Variants in FOXP2 observed in about 807,000 individuals in gnomAD.
FOXP2 encodes forkhead box P2.
In FOXP2, 12 loss-of-function variants were observed where a neutral mutation model predicts 115.8. That is an observed-to-expected ratio of 0.10 (90% CI 0.07 to 0.17). FOXP2 has a LOEUF of 0.17. FOXP2 is among the 10% of genes least tolerant of loss of function. The pLI is 1.00. For missense variants in FOXP2, 629 were observed against 843.5 expected (o/e 0.75, Z 3.15); for synonymous variants, 328 against 297.7 (o/e 1.10, Z -1.05).
At chr7:114,249,264 A>G (rs1218166347) in intron 1 of FOXP2, among the ~76,000 whole-genome samples, 1 of 152,148 alleles carries the variant, frequency 6.6e-6, no homozygotes, top group Non-Finnish European at 1.5e-5. Flanking sequence ...GGTTTGTTAC[A>G]TAGGTAAACG....
chr7:114,172,744 G>A (rs1793180824), intron 1 of FOXP2, among the ~76,000 whole-genome samples: 2 of 152,030 alleles, frequency 1.3e-5, no homozygotes, highest in Non-Finnish European at 2.9e-5. Context: ...CTTTGCATGT[G>A]TAATGTAATT....
At chr7:114,088,141 A>G (rs1443293776) in intron 1 of FOXP2, 1 of 140,058 alleles carries the variant, frequency 7.1e-6, no homozygotes, top group African/African-American at 2.6e-5. Context: ...CCACACACAT[A>G]CACACTTTTT....
rs1808725604 is a variant in FOXP2 at position 114,692,624 on chromosome 7, G to GT, written c.*2699dup. ...TCTGCATCTGCTTTGCGTAGCTATT[G>GT]TAAGGCTTTGAACTAATGTATGTAT... is the stretch of plus-strand genomic sequence containing the variant. On this transcript the variant is annotated 3_prime_UTR_variant, in exon 17 of 17. Transcript: ENST00000350908. The GT allele has an allele frequency of 2.2e-6, 1 of 450,158 alleles. No individual in the cohort carries two copies. Among genetic ancestry groups the GT allele is most frequent in the African/African-American group, 2.0e-5 (1 of 49,762 alleles). The allele number at this position is 450,158 out of a possible 1,614,324, so 27.9% of individuals were successfully genotyped here.
At chr7:114,234,436 A>G (rs932934291) in intron 1 of FOXP2, among the ~76,000 whole-genome samples, 5 of 152,216 alleles carry the variant, frequency 3.3e-5, no homozygotes, top group Admixed American at 3.3e-4. Flanking sequence ...GCATTACTAA[A>G]CATCCAATGC....
At chr7:114,563,882 C>CTTAG (rs1800873740) in intron 3 of FOXP2, among the ~76,000 whole-genome samples, 1 of 152,080 alleles carries the variant, frequency 6.6e-6, no homozygotes, top group African/African-American at 2.4e-5. Flanking sequence ...CCTTTACTCT[C>CTTAG]TCACTCAGGT....
intron 2 of FOXP2, among the ~76,000 whole-genome samples, chr7:114,494,106 C>T (rs916023164): frequency 6.6e-6 from 1 of 151,570 alleles, no homozygotes; most frequent in Non-Finnish European, 1.5e-5. Flanking sequence ...TTTTAAATGT[C>T]AAGAGATATA....
chr7:114,391,161 T>C, intron 2 of FOXP2, among the ~76,000 whole-genome samples: 1 of 151,896 alleles, frequency 6.6e-6, no homozygotes, highest in Non-Finnish European at 1.5e-5. Context: ...TACTCCAGCC[T>C]TGGCGACAAG....
intron 3 of FOXP2, among the ~76,000 whole-genome samples, chr7:114,582,626 A>C (rs1297067348): frequency 2.0e-5 from 3 of 152,236 alleles, no homozygotes; most frequent in Admixed American, 2.0e-4. Flanking sequence ...ATGGATTAGC[A>C]TAAATCTAAA....
intron 2 of FOXP2, among the ~76,000 whole-genome samples, chr7:114,516,254 C>T (rs1449828795): frequency 3.3e-5 from 5 of 151,996 alleles, no homozygotes; most frequent in African/African-American, 4.8e-5. Flanking sequence ...GAAATAATGC[C>T]GCATATCTAC....
rs1380705858 is a variant in FOXP2 at position 114,692,981 on chromosome 7, G to T, written c.*3055G>T. ...GGCTTTCACTGCTGAATAAAATAAA[G>T]GACCAAACCTAGGATTTGAAAGAAA... On this transcript the variant is annotated 3_prime_UTR_variant, in exon 17 of 17. Coordinates refer to ENST00000350908, the MANE Select transcript of FOXP2 (RefSeq NM_014491.4). 2.2e-6 allele frequency: 1 copy of T among 453,750 alleles called. No individual in the cohort carries two copies. Among genetic ancestry groups the T allele is most frequent in the East Asian group, 6.9e-5 (1 of 14,394 alleles). The allele number at this position is 453,750 out of a possible 1,614,324, so 28.1% of individuals were successfully genotyped here. A position where few individuals can be genotyped will look rare whatever the true frequency, so the allele number is the denominator to read the frequency against.
At chr7:114,399,773 C>CA (rs1222273689) in intron 2 of FOXP2, among the ~76,000 whole-genome samples, 5 of 148,244 alleles carry the variant, frequency 3.4e-5, no homozygotes, top group Admixed American at 3.4e-4. Context: ...GGTATTGGGA[C>CA]AAAAAACAGA....
intron 1 of FOXP2, among the ~76,000 whole-genome samples, chr7:114,231,933 A>C (rs2129165981): frequency 6.6e-6 from 1 of 152,328 alleles, no homozygotes; most frequent in Admixed American, 6.5e-5. Context: ...CAGCCTACAG[A>C]GTGGTAGAAA....
At chr7:114,282,434 T>G (rs1796362984) in intron 1 of FOXP2, among the ~76,000 whole-genome samples, 1 of 152,200 alleles carries the variant, frequency 6.6e-6, no homozygotes, top group Admixed American at 6.5e-5. Flanking sequence ...AGAGCATTCC[T>G]TTATTCCCTC....
chr7:114,350,583 C>G (rs1476320841), intron 2 of FOXP2, among the ~76,000 whole-genome samples: 1 of 152,048 alleles, frequency 6.6e-6, no homozygotes, highest in Non-Finnish European at 1.5e-5. Context: ...CACATAAGAG[C>G]CTCAGCTGCT....
At chr7:114,263,340 CTTCTTT>C (rs1036839776) in intron 1 of FOXP2, among the ~76,000 whole-genome samples, 1 of 150,930 alleles carries the variant, frequency 6.6e-6, no homozygotes, top group African/African-American at 2.5e-5. Context: ...TCCTTTATGA[CTTCTTT>C]TTCTTTTTTT....
At chr7:114,603,847 T>C (rs997138553) in intron 3 of FOXP2, among the ~76,000 whole-genome samples, 1 of 152,220 alleles carries the variant, frequency 6.6e-6, no homozygotes, top group African/African-American at 2.4e-5. Flanking sequence ...TTTATTGATA[T>C]TTGTTGTAAA....
At chr7:114,381,539 G>A (rs1001514483) in intron 2 of FOXP2, among the ~76,000 whole-genome samples, 2 of 152,182 alleles carry the variant, frequency 1.3e-5, no homozygotes, top group Admixed American at 1.3e-4. Flanking sequence ...ATCTTTAAAG[G>A]CAAACAAGAA....
At chr7:114,589,994 C>G (rs1802364469) in intron 3 of FOXP2, among the ~76,000 whole-genome samples, 1 of 152,018 alleles carries the variant, frequency 6.6e-6, no homozygotes, top group South Asian at 2.1e-4. Flanking sequence ...TTCTGTTATA[C>G]TAAACCAGAA....
At chr7:114,524,615 TA>T (rs1029438162) in intron 2 of FOXP2, among the ~76,000 whole-genome samples, 2 of 152,272 alleles carry the variant, frequency 1.3e-5, no homozygotes, top group Admixed American at 6.5e-5. Context: ...ACATCTGTGA[TA>T]AAAAGAGGGT....
Sources: gnomAD v4.1 joint callset for allele counts (sites outside exome capture counted in the v4.1 genomes callset) on GRCh38, gnomAD v4.1.1 for gene constraint, MANE v1.5 for transcripts, NCBI Gene and HGNC (gene_info 2026-07-23, HGNC 2026-07-21) for gene names.